The following MLLT3 variants were observed in gnomAD, a reference collection of about 807,000 sequenced individuals.
MLLT3 encodes MLLT3 super elongation complex subunit, also known as protein AF-9.
Under a neutral mutation model 53.2 loss-of-function variants are expected in MLLT3, and 4 were observed. The observed-to-expected ratio is 0.08, with a 90% CI of 0.04 to 0.17. The LOEUF (loss-of-function observed/expected upper bound fraction) is 0.17. MLLT3 is among the 10% of genes least tolerant of loss of function. MLLT3 has a pLI of 1.00. For missense variants in MLLT3, 569 were observed against 684.0 expected, an observed-to-expected ratio of 0.83 and a Z score of 1.87; for synonymous variants, 283 against 230.6, an observed-to-expected ratio of 1.23 and a Z score of -2.06.
chr9:20,576,836 C>G (rs1362135312), intron 2 of MLLT3, among the ~76,000 whole-genome samples: 4 of 152,070 alleles, frequency 2.6e-5, no homozygotes, highest in African/African-American at 4.8e-5. Flanking sequence ...CACAAACTTT[C>G]AACTTACGAA....
intron 2 of MLLT3, among the ~76,000 whole-genome samples, chr9:20,570,128 A>T (rs959054874): frequency 1.3e-5 from 2 of 152,148 alleles, no homozygotes; most frequent in East Asian, 3.8e-4. Flanking sequence ...GCATTTGATT[A>T]TTTCAGAGCC....
intron 5 of MLLT3, among the ~76,000 whole-genome samples, chr9:20,372,064 A>G (rs1311767585): frequency 6.6e-6 from 1 of 152,188 alleles, no homozygotes; most frequent in East Asian, 1.9e-4. Flanking sequence ...ACAGCAAGAT[A>G]ACTAGAATTA....
intron 10 of MLLT3, among the ~76,000 whole-genome samples, chr9:20,352,160 A>G (rs1297885313): frequency 6.6e-6 from 1 of 152,222 alleles, no homozygotes; most frequent in Non-Finnish European, 1.5e-5. Flanking sequence ...GATCTGCCCA[A>G]TGGCCTAGTA....
intron 2 of MLLT3, among the ~76,000 whole-genome samples, chr9:20,492,023 T>A (rs1824960486): frequency 6.6e-6 from 1 of 152,114 alleles, no homozygotes; most frequent in African/African-American, 2.4e-5. Flanking sequence ...CATGTCACTC[T>A]TAGGTTCAGT....
At chr9:20,429,957 A>T (rs1823226263) in intron 4 of MLLT3, among the ~76,000 whole-genome samples, 1 of 152,182 alleles carries the variant, frequency 6.6e-6, no homozygotes, top group Admixed American at 6.6e-5. Context: ...TGGAAATAAG[A>T]CAGGTATGTG....
rs529392831 is a variant in MLLT3 at position 20,535,232 on chromosome 9, G to C, written c.194-78446C>G. On this transcript the variant is annotated intron_variant, in intron 2 of 10. Coordinates refer to ENST00000380338, the MANE Select transcript of MLLT3 (RefSeq NM_004529.4). ...TGAACTGCACATGTGAGGGATCTTG[G>C]TTGTGCACTCCTTATAAGAATCTAA... Among the ~76,000 whole-genome samples, 20 of 152,310 alleles carry C rather than the reference G, an allele frequency of 1.3e-4. No homozygotes were observed. In the South Asian group the frequency reaches 3.7e-3, roughly 28 times the overall value.
At chr9:20,519,590 G>GA (rs1818006895) in intron 2 of MLLT3, among the ~76,000 whole-genome samples, 1 of 151,966 alleles carries the variant, frequency 6.6e-6, no homozygotes, top group South Asian at 2.1e-4. Context: ...ACAATCATAT[G>GA]AAAAAAAGCT....
chr9:20,365,373 T>C (rs1366105416), intron 6 of MLLT3, among the ~76,000 whole-genome samples: 1 of 152,222 alleles, frequency 6.6e-6, no homozygotes, highest in Admixed American at 6.5e-5. Context: ...GGAGTCTCAC[T>C]GTGTCACCCA....
At chr9:20,489,011 A>G (rs1824881365) in intron 2 of MLLT3, among the ~76,000 whole-genome samples, 2 of 152,212 alleles carry the variant, frequency 1.3e-5, no homozygotes, top group Admixed American at 6.5e-5. Flanking sequence ...TCTTGGGGGG[A>G]AGATAGACAT....
intron 2 of MLLT3, among the ~76,000 whole-genome samples, chr9:20,528,469 C>A (rs1446089578): frequency 6.6e-6 from 1 of 152,212 alleles, no homozygotes. Flanking sequence ...AAACGTATTT[C>A]CCCACAGTTC....
At position 20,407,351 on chromosome 9, in the gene MLLT3, G is replaced by A. The variant is rs189533457; in HGVS notation, c.1125+6370C>T. ...TAAGGTGCAATCTAGACCCAAGAGA[G>A]TCAGTTTTATTTTAAGTGAGGATGT... On this transcript the variant is annotated intron_variant, in intron 5 of 10. Coordinates refer to ENST00000380338, the MANE Select transcript of MLLT3 (RefSeq NM_004529.4). Among the ~76,000 whole-genome samples the A allele has an allele frequency of 5.9e-5, 9 of 152,312 alleles. No individual in the cohort carries two copies. The East Asian group carries it at 1.5e-3, about 26-fold the overall frequency.
chr9:20,346,509 A>G lies in MLLT3; in HGVS notation c.1641T>C (p.Leu547=), dbSNP rs1459929504. The G allele has an allele frequency of 6.2e-7, 1 of 1,613,528 alleles. No individual in the cohort carries two copies. Among genetic ancestry groups the G allele is most frequent in the Non-Finnish European group, 8.5e-7 (1 of 1,179,610 alleles). ...GGACTGTGGTTTTGTCCAGCGAGCA[A>G]AGATCAAAATCAAATGTTGTGTTTG... is the stretch of plus-strand genomic sequence containing the variant. The part of the protein sequence containing the change: ...HITNTTFDFD[L]CSLDKTTVRK... The change falls in exon 11 of 11, where the codon CTT becomes CTC. Residue 547 remains leucine (L), a synonymous_variant. Coordinates refer to ENST00000380338, the MANE Select transcript of MLLT3 (RefSeq NM_004529.4).
Position 20,413,750 on chromosome 9 carries a change from C to A in MLLT3, c.1096G>T (p.Val366Leu). ...DDIVDPNDSD[V>L]EENISSKSDS... is the part of the protein sequence containing the mutation. ...GATTTAGAGGATATATTCTCCTCCA[C>A]ATCTGAATCATTGGGATCCACAATA... The change falls in exon 5 of 11, where the codon GTG becomes TTG. Residue 366 changes from valine (V) to leucine (L), a missense_variant. By Grantham distance (32) the Val-to-Leu change is conservative (BLOSUM62 1). Transcript: ENST00000380338. The A allele has an allele frequency of 6.2e-7, 1 of 1,610,526 alleles. No individual in the cohort carries two copies. Among genetic ancestry groups the A allele is most frequent in the South Asian group, 1.1e-5 (1 of 90,106 alleles).
chr9:20,545,531 G>T (rs1042994082), intron 2 of MLLT3, among the ~76,000 whole-genome samples: 2 of 152,122 alleles, frequency 1.3e-5, no homozygotes, highest in Admixed American at 1.3e-4. Flanking sequence ...TGTACATTTG[G>T]AAACTATTGG....
intron 2 of MLLT3, among the ~76,000 whole-genome samples, chr9:20,595,603 T>G (rs903475642): frequency 1.3e-5 from 2 of 152,132 alleles, no homozygotes; most frequent in Non-Finnish European, 2.9e-5. Flanking sequence ...AATCACCAAT[T>G]TGCAACCCCA....
At chr9:20,363,722 A>G in intron 6 of MLLT3, 117 bp from the exon 7 acceptor site, 4 of 885,780 alleles carry the variant, frequency 4.5e-6, no homozygotes, top group Non-Finnish European at 6.1e-6. Flanking sequence ...ATCATCATAT[A>G]TATTTATACA....
intron 2 of MLLT3, among the ~76,000 whole-genome samples, chr9:20,495,753 C>A (rs1181705734): frequency 6.6e-6 from 1 of 152,016 alleles, no homozygotes; most frequent in African/African-American, 2.4e-5. Flanking sequence ...TTTAGTTGCT[C>A]CAAGTTAAAA....
chr9:20,531,138 C>CTT (rs34485185), intron 2 of MLLT3, among the ~76,000 whole-genome samples: 3 of 118,512 alleles, frequency 2.5e-5, no homozygotes, highest in African/African-American at 3.2e-5. Flanking sequence ...TATTCAGTTG[C>CTT]TTTTTTTTTT....
chr9:20,499,254 G>C (rs1028096828), intron 2 of MLLT3, among the ~76,000 whole-genome samples: 7 of 152,200 alleles, frequency 4.6e-5, no homozygotes, highest in Admixed American at 1.3e-4. Flanking sequence ...ATCTACAAAA[G>C]ACACTATTTC....
Sources: allele counts gnomAD v4.1 joint callset (sites outside exome capture counted in the v4.1 genomes callset), GRCh38; gene constraint gnomAD v4.1.1; transcripts MANE v1.5; gene names NCBI Gene and HGNC (gene_info 2026-07-23, HGNC 2026-07-21).